ZNHIT6: variants seen among roughly 807,000 people sequenced by gnomAD.
ZNHIT6 encodes the protein box C/D snoRNA protein 1.
A neutral mutation model predicts 57.2 loss-of-function variants in ZNHIT6; 45 were observed. The ratio of observed to expected loss-of-function variants is 0.79; its 90% confidence interval spans 0.62 to 1.01. The LOEUF is 1.01. Among genes scored for constraint, ZNHIT6 ranks in the 50% least tolerant of loss-of-function variants. ZNHIT6 has a pLI of 0.00. For synonymous variants in ZNHIT6, 188 were observed against 190.0 expected, an observed-to-expected ratio of 0.99 and a Z score of 0.09; for missense variants, 528 against 567.3, an observed-to-expected ratio of 0.93 and a Z score of 0.70.
At chr1:85,658,034 T>TA (rs1661110806) in intron 8 of ZNHIT6, 63 bp from the exon 9 acceptor site, 2 of 1,138,638 alleles carry the variant, frequency 1.8e-6, no homozygotes, top group African/African-American at 3.2e-5. Flanking sequence ...TACTAATAGA[T>TA]AAATATATGA....
intron 5 of ZNHIT6, among the ~76,000 whole-genome samples, chr1:85,691,368 C>T (rs1336637450): frequency 6.6e-6 from 1 of 152,202 alleles, no homozygotes; most frequent in African/African-American, 2.4e-5. Flanking sequence ...ATATTTCCAA[C>T]TGTCTGGGAA....
intron 5 of ZNHIT6, among the ~76,000 whole-genome samples, chr1:85,692,778 A>G (rs1662256060): frequency 6.6e-6 from 1 of 152,220 alleles, no homozygotes; most frequent in Non-Finnish European, 1.5e-5. Flanking sequence ...TGTTTAAGGA[A>G]AAAAGTGCTA....
chr1:85,676,008 C>T (rs1222542324), intron 8 of ZNHIT6, among the ~76,000 whole-genome samples: 2 of 152,146 alleles, frequency 1.3e-5, no homozygotes, highest in East Asian at 1.9e-4. Flanking sequence ...GATCTTCTAT[C>T]CAGACCACTA....
At position 85,708,321 on chromosome 1, in the gene ZNHIT6, C is replaced by T. The variant is rs769658669; in HGVS notation, c.-37G>A. ...CCTTGGCCTCTGCTGCCACTCTATC[C>T]TTCAATGTGGCTGCTGCACACCAAT... On this transcript the variant is annotated 5_prime_UTR_variant, in exon 1 of 10. Coordinates refer to ENST00000370574, the MANE Select transcript of ZNHIT6 (RefSeq NM_017953.4). 2 of 1,556,416 alleles carry T rather than the reference C, an allele frequency of 1.3e-6. No homozygotes were observed. The highest frequency in any genetic ancestry group is 2.4e-5 in the South Asian group (2 of 84,334).
intron 8 of ZNHIT6, 103 bp downstream of exon 8, chr1:85,677,133 T>G: frequency 1.3e-6 from 1 of 790,134 alleles, no homozygotes. Context: ...AAAGTCATGT[T>G]CATAGCTAGA....
chr1:85,689,232 C>CA lies in ZNHIT6; in HGVS notation c.1020-8329dup, dbSNP rs199718516. 5.7e-3 allele frequency among the ~76,000 whole-genome samples: 862 copies of CA among 152,210 alleles called. 5 individuals carry two copies. The highest frequency in any genetic ancestry group is 0.012 in the Admixed American group (179 of 15,296). ...AATTTTGAACTCTTCAAGAAAAATA[C>CA]AAAATCTATAAAATACCTACATAAT... is the stretch of plus-strand genomic sequence containing the variant. On this transcript the variant is annotated intron_variant, in intron 5 of 9. Coordinates refer to ENST00000370574, the MANE Select transcript of ZNHIT6 (RefSeq NM_017953.4).
chr1:85,707,297 C>G (rs1257930084), intron 1 of ZNHIT6, among the ~76,000 whole-genome samples: 2 of 152,180 alleles, frequency 1.3e-5, no homozygotes, highest in African/African-American at 2.4e-5. Context: ...CATCTCTATT[C>G]TCTCTCAAAG....
At chr1:85,691,177 A>T (rs192144402) in intron 5 of ZNHIT6, among the ~76,000 whole-genome samples, 1 of 152,364 alleles carries the variant, frequency 6.6e-6, no homozygotes, top group African/African-American at 2.4e-5. Context: ...GGCAATAGGC[A>T]CAGGGAAATA....
Position 85,670,152 on chromosome 1 carries a change from C to G in ZNHIT6, c.1247+7084G>C, listed in dbSNP as rs17128071. Among the ~76,000 whole-genome samples the G allele has an allele frequency of 9.4e-3, 1,432 of 152,048 alleles. 58 individuals are homozygous for G. The highest frequency in any genetic ancestry group is 0.063 in the Admixed American group (959 of 15,274). ...TATCATGTAAACCAATAAAAAAAAC[C>G]CTTTAGAGCAGGAATCGGCAAACTA... On this transcript the variant is annotated intron_variant, in intron 8 of 9. Coordinates refer to ENST00000370574, the MANE Select transcript of ZNHIT6 (RefSeq NM_017953.4).
In ZNHIT6 at chr1:85,651,110, T is replaced by G. The variant is rs1660893813; in HGVS notation, c.*2948A>C. The stretch of plus-strand genomic sequence containing the variant: ...AAACAAAAATGTATAAAGAAAATTG[T>G]TGGCATTATAGTTATGTGATTAACA... On this transcript the variant is annotated 3_prime_UTR_variant, in exon 10 of 10. Transcript: ENST00000370574. The G allele has an allele frequency of 2.0e-5, 3 of 152,360 alleles. No individual in the cohort carries two copies. Among genetic ancestry groups the G allele is most frequent in the Middle Eastern group, 3.4e-3 (1 of 294 alleles). The allele number at this position is 152,360 out of a possible 1,614,324, so 9.4% of individuals were successfully genotyped here. A position where few individuals can be genotyped will look rare whatever the true frequency, so the allele number is the denominator to read the frequency against.
rs1328860501 is a variant in ZNHIT6, at chr1:85,652,360, T to C, written c.*1698A>G. On this transcript the variant is annotated 3_prime_UTR_variant, in exon 10 of 10. Transcript: ENST00000370574. ...ATTTCACTTTTGATTATAAATGAAT[T>C]CCTTGAAATCTTATTTGTCTCTCCA... 6.6e-6 allele frequency: 1 copy of C among 152,210 alleles called. No individual in the cohort carries two copies. Among genetic ancestry groups the C allele is most frequent in the East Asian group, 1.9e-4 (1 of 5,204 alleles). 9.4% of individuals were successfully genotyped at this position (152,210 alleles called of 1,614,324 possible). A position where few individuals can be genotyped will look rare whatever the true frequency, so the allele number is the denominator to read the frequency against.
chr1:85,704,408 G>T (rs2100723136), intron 4 of ZNHIT6, among the ~76,000 whole-genome samples: 1 of 152,174 alleles, frequency 6.6e-6, no homozygotes, highest in South Asian at 2.1e-4. Context: ...TTGTGGTACA[G>T]TCCTAAGATA....
At position 85,654,114 on chromosome 1, in the gene ZNHIT6, T is replaced by C; in HGVS notation, c.1373-16A>G. 1.9e-6 allele frequency: 3 copies of C among 1,607,854 alleles called. No individual in the cohort carries two copies. Among genetic ancestry groups the C allele is most frequent in the Non-Finnish European group, 2.5e-6 (3 of 1,176,482 alleles). ...TCACTCTTCACTAGAAAAAAATAAG[T>C]AAACATACAGTCAAGTGTTTATATT... is the stretch of plus-strand genomic sequence containing the variant. On this transcript the variant is annotated splice_polypyrimidine_tract_variant and intron_variant, in intron 9 of 9. Transcript: ENST00000370574.
rs748206399 is a variant in ZNHIT6, at chr1:85,702,253, A to C, written c.923T>G (p.Phe308Cys). 18 of 1,584,578 alleles carry C rather than the reference A, an allele frequency of 1.1e-5. No individual in the cohort carries two copies. Among genetic ancestry groups the C allele is most frequent in the Non-Finnish European group, 1.4e-5 (16 of 1,165,418 alleles). Residue 308 changes from phenylalanine (F) to cysteine (C), a missense_variant, in exon 5 of 10, where the codon TTT becomes TGT. Physicochemically the swap from Phe to Cys is radical, Grantham distance 205. Coordinates refer to ENST00000370574, the MANE Select transcript of ZNHIT6 (RefSeq NM_017953.4). ...TTGCCTCCGGGCACGATTTTTCATA[A>C]AGTACATCTAACAACAAAAACCAAA... is the stretch of plus-strand genomic sequence containing the variant. ...KRPISNKYMYFMKNRARRQGI... is the reference protein window; with the variant it reads ...KRPISNKYMYCMKNRARRQGI...
Position 85,708,227 on chromosome 1 carries a change from C to G in ZNHIT6, c.58G>C (p.Glu20Gln), listed in dbSNP as rs1319042971. 10 of 1,613,222 alleles carry G rather than the reference C, an allele frequency of 6.2e-6. No individual in the cohort carries two copies. Among genetic ancestry groups the G allele is most frequent in the Non-Finnish European group, 8.5e-6 (10 of 1,179,412 alleles). Reference sequence around the variant, plus strand: ...GGCTCTGGACTTAGCCGCACCCCCTCAGCTACGCTGTGGAGACCTCCCCCA... The same window carrying G: ...GGCTCTGGACTTAGCCGCACCCCCTGAGCTACGCTGTGGAGACCTCCCCCA... ...KSGGGLHSVA[E>Q]GVRLSPEPGR... Residue 20 changes from glutamate to glutamine, a missense_variant, in exon 1 of 10, where the codon GAG (glutamate) becomes CAG (glutamine). Glu to Gln is a conservative substitution (Grantham distance 29). Transcript: ENST00000370574.
At position 85,650,113 on chromosome 1, in the gene ZNHIT6, C is replaced by G. The variant is rs1452147964; in HGVS notation, c.*3945G>C. 3 of 152,352 alleles carry G rather than the reference C, an allele frequency of 2.0e-5. No individual in the cohort carries two copies. The highest frequency in any genetic ancestry group is 2.1e-4 in the South Asian group (1 of 4,826). The allele number at this position is 152,352 out of a possible 1,614,324, so 9.4% of individuals were successfully genotyped here. ...GGCTTTCTTCTAAAAATTTCCCCCT[C>G]CTTTGGGTGAATTCCTCTCTTGATT... On this transcript the variant is annotated 3_prime_UTR_variant, in exon 10 of 10. Transcript: ENST00000370574.
At chr1:85,672,778 T>G (rs987459796) in intron 8 of ZNHIT6, among the ~76,000 whole-genome samples, 11 of 138,312 alleles carry the variant, frequency 8.0e-5, no homozygotes, top group Admixed American at 6.0e-4. Context: ...AGGATCATCC[T>G]ATAACTGCTT....
chr1:85,699,971 A>G (rs941371138), intron 5 of ZNHIT6, among the ~76,000 whole-genome samples: 2 of 152,158 alleles, frequency 1.3e-5, no homozygotes, highest in Non-Finnish European at 2.9e-5. Context: ...AAGGAGGTGC[A>G]TTTATTCATA....
chr1:85,673,000 C>A (rs1326277166), intron 8 of ZNHIT6, among the ~76,000 whole-genome samples: 1 of 152,132 alleles, frequency 6.6e-6, no homozygotes, highest in African/African-American at 2.4e-5. Context: ...CTTAAGTGGG[C>A]AGTAATACAA....
Sources: allele counts gnomAD v4.1 joint callset (sites outside exome capture counted in the v4.1 genomes callset), GRCh38; gene constraint gnomAD v4.1.1; transcripts MANE v1.5; gene names NCBI Gene and HGNC (gene_info 2026-07-23, HGNC 2026-07-21).